ZNF804A: variants seen among roughly 807,000 people sequenced by gnomAD.
ZNF804A encodes zinc finger protein 804A.
ZNF804A carries 2 observed loss-of-function variants against 16.5 expected under a neutral mutation model. The ratio of observed to expected loss-of-function variants is 0.12; its 90% confidence interval spans 0.05 to 0.38. ZNF804A has a LOEUF of 0.38. Among genes scored for constraint, ZNF804A ranks in the 10% least tolerant of loss-of-function variants. The probability of loss-of-function intolerance (pLI) is 0.99; values close to 1 mark genes in which losing one functional copy is unlikely to be tolerated. For missense variants in ZNF804A, 1,473 were observed against 1,390.7 expected (o/e 1.06, Z -0.94); for synonymous variants, 534 against 489.6 (o/e 1.09, Z -1.20).
intron 1 of ZNF804A, among the ~76,000 whole-genome samples, chr2:184,658,028 A>G (rs1692109768): frequency 6.6e-6 from 1 of 152,232 alleles, no homozygotes; most frequent in South Asian, 2.1e-4. Flanking sequence ...TAATGAAATA[A>G]TTTTTTAAAA....
rs79860548 is a variant in ZNF804A at position 184,919,773 on chromosome 2, T to C, written c.256-13830T>C. On this transcript the variant is annotated intron_variant, in intron 2 of 3. Transcript: ENST00000302277. ...AACAAAATTCACTACTTGATGTTCT[T>C]CCCATTGTGAGAAATTCCTGTCATC... Among the ~76,000 whole-genome samples, 940 of 152,278 alleles carry C rather than the reference T, an allele frequency of 6.2e-3. 8 individuals carry two copies. The highest frequency in any genetic ancestry group is 0.022 in the African/African-American group (896 of 41,558).
intron 2 of ZNF804A, among the ~76,000 whole-genome samples, chr2:184,925,999 T>C (rs988460012): frequency 1.3e-5 from 2 of 152,100 alleles, no homozygotes; most frequent in African/African-American, 2.4e-5. Context: ...TTTTGATTGT[T>C]TCATCATTTA....
chr2:184,914,606 A>G (rs1001112581), intron 2 of ZNF804A, among the ~76,000 whole-genome samples: 1 of 152,150 alleles, frequency 6.6e-6, no homozygotes, highest in African/African-American at 2.4e-5. Context: ...CTAAAGTTAC[A>G]CCAGATTTAA....
intron 1 of ZNF804A, among the ~76,000 whole-genome samples, chr2:184,626,249 T>A: frequency 6.6e-6 from 1 of 152,176 alleles, no homozygotes; most frequent in Non-Finnish European, 1.5e-5. Flanking sequence ...GTTGTTTTGT[T>A]TAATTAGTAT....
intron 2 of ZNF804A, among the ~76,000 whole-genome samples, chr2:184,876,609 A>T (rs1234129936): frequency 6.6e-6 from 1 of 152,198 alleles, no homozygotes; most frequent in African/African-American, 2.4e-5. Flanking sequence ...GACATTTCTC[A>T]TTTAAAGCCA....
intron 2 of ZNF804A, among the ~76,000 whole-genome samples, chr2:184,898,718 C>G (rs7562384): frequency 0.19 from 28,290 of 151,784 alleles, 3,243 homozygotes; most frequent in African/African-American, 0.32. Flanking sequence ...ACACAATCTT[C>G]TTAAGGACAG....
chr2:184,710,393 A>G (rs1693106829), intron 1 of ZNF804A, among the ~76,000 whole-genome samples: 1 of 151,534 alleles, frequency 6.6e-6, no homozygotes. Flanking sequence ...TATAATTATA[A>G]AGAATTTATA....
intron 2 of ZNF804A, among the ~76,000 whole-genome samples, chr2:184,929,374 CATTT>C (rs924164691): frequency 5.3e-5 from 8 of 152,060 alleles, no homozygotes; most frequent in Non-Finnish European, 8.8e-5. Flanking sequence ...GTTTTTCATT[CATTT>C]GTTTTTCATT....
chr2:184,835,409 C>T (rs1695327289), intron 1 of ZNF804A, among the ~76,000 whole-genome samples: 1 of 152,096 alleles, frequency 6.6e-6, no homozygotes, highest in African/African-American at 2.4e-5. Flanking sequence ...ATGGTAACTT[C>T]TGGGTATCCA....
intron 1 of ZNF804A, among the ~76,000 whole-genome samples, chr2:184,602,696 A>C (rs953228425): frequency 6.6e-6 from 1 of 152,056 alleles, no homozygotes; most frequent in Non-Finnish European, 1.5e-5. Context: ...TTTGTTCATT[A>C]CATTCTATTA....
intron 1 of ZNF804A, among the ~76,000 whole-genome samples, chr2:184,738,364 G>T (rs142955984): frequency 6.9e-4 from 105 of 152,068 alleles, no homozygotes; most frequent in African/African-American, 2.4e-3. Flanking sequence ...AAAAAAACAT[G>T]GACAATTAGA....
chr2:184,835,935 C>T (rs1336130724), intron 1 of ZNF804A, among the ~76,000 whole-genome samples: 2 of 152,184 alleles, frequency 1.3e-5, no homozygotes, highest in East Asian at 3.9e-4. Context: ...GATATTTGTT[C>T]TATAGACAAT....
At chr2:184,724,051 A>C (rs1262511820) in intron 1 of ZNF804A, among the ~76,000 whole-genome samples, 2 of 151,702 alleles carry the variant, frequency 1.3e-5, no homozygotes, top group African/African-American at 4.8e-5. Context: ...TATATCTCTT[A>C]TAATATTGTG....
At chr2:184,918,788 A>C (rs998487763) in intron 2 of ZNF804A, among the ~76,000 whole-genome samples, 9 of 152,192 alleles carry the variant, frequency 5.9e-5, no homozygotes, top group African/African-American at 2.2e-4. Context: ...AATCAGAAAC[A>C]ACCTAGACAT....
At chr2:184,788,935 A>T (rs1348583467) in intron 1 of ZNF804A, among the ~76,000 whole-genome samples, 1 of 152,048 alleles carries the variant, frequency 6.6e-6, no homozygotes, top group Admixed American at 6.6e-5. Context: ...AAATACTTTC[A>T]TCTTTTCCTC....
intron 1 of ZNF804A, among the ~76,000 whole-genome samples, chr2:184,643,588 G>A (rs916250715): frequency 1.3e-5 from 2 of 151,754 alleles, no homozygotes; most frequent in Non-Finnish European, 3.0e-5. Context: ...TTTTCCCATA[G>A]TTAAGAATGC....
At chr2:184,746,022 A>G (rs1012577649) in intron 1 of ZNF804A, among the ~76,000 whole-genome samples, 1 of 151,624 alleles carries the variant, frequency 6.6e-6, no homozygotes, top group Admixed American at 6.6e-5. Flanking sequence ...TTTTTCCCCT[A>G]GAAAGGATCA....
At chr2:184,732,963 A>G (rs77345629) in intron 1 of ZNF804A, among the ~76,000 whole-genome samples, 6,294 of 152,180 alleles carry the variant, frequency 0.041, 428 homozygotes, top group African/African-American at 0.14. Flanking sequence ...ATAGATGATC[A>G]TGTCATCTGT....
At chr2:184,852,118 A>C (rs1695613397) in intron 1 of ZNF804A, among the ~76,000 whole-genome samples, 1 of 151,890 alleles carries the variant, frequency 6.6e-6, no homozygotes, top group Non-Finnish European at 1.5e-5. Context: ...AAAATACAGT[A>C]GTCACCTGCT....
Sources: allele counts gnomAD v4.1 joint callset (sites outside exome capture counted in the v4.1 genomes callset), GRCh38; gene constraint gnomAD v4.1.1; transcripts MANE v1.5; gene names NCBI Gene and HGNC (gene_info 2026-07-23, HGNC 2026-07-21).